Variants in FAM107A observed in about 807,000 individuals in gnomAD.
FAM107A encodes family with sequence similarity 107 member A.
FAM107A carries 19 observed loss-of-function variants against 13.7 expected under a neutral mutation model. The ratio of observed to expected loss-of-function variants is 1.38; its 90% confidence interval spans 0.97 to 2.03. The LOEUF (loss-of-function observed/expected upper bound fraction) is 2.03, where lower values mean the gene tolerates loss of function less well. FAM107A is among the 30% of genes most tolerant of loss of function. The pLI is 0.00. For missense variants in FAM107A, 203 were observed against 184.4 expected, an observed-to-expected ratio of 1.10 and a Z score of -0.58; for synonymous variants, 82 against 74.5, an observed-to-expected ratio of 1.10 and a Z score of -0.52.
intron 1 of FAM107A, among the ~76,000 whole-genome samples, chr3:58,620,755 C>G (rs2065947315): frequency 6.6e-6 from 1 of 152,226 alleles, no homozygotes; most frequent in African/African-American, 2.4e-5. Context: ...AGTGCCCAAC[C>G]TGTACACCTG....
chr3:58,581,993 CAT>C (rs917496681), upstream of FAM107A, among the ~76,000 whole-genome samples: 28 of 152,120 alleles, frequency 1.8e-4, no homozygotes, highest in African/African-American at 6.3e-4. Context: ...TGAGAGGGAG[CAT>C]GTGTGTGTGT....
intron 1 of FAM107A, among the ~76,000 whole-genome samples, chr3:58,583,530 G>A (rs2108059287): frequency 6.6e-6 from 1 of 152,082 alleles, no homozygotes; most frequent in African/African-American, 2.4e-5. Flanking sequence ...GCTGAGGCAG[G>A]AGAGTTGCTT....
At chr3:58,592,899 T>C (rs2065665222) in intron 1 of FAM107A, among the ~76,000 whole-genome samples, 1 of 152,216 alleles carries the variant, frequency 6.6e-6, no homozygotes, top group Non-Finnish European at 1.5e-5. Flanking sequence ...GGCAACTATC[T>C]TCCAGTCCTC....
chr3:58,599,853 T>C (rs1468796819), intron 1 of FAM107A, among the ~76,000 whole-genome samples: 1 of 151,588 alleles, frequency 6.6e-6, no homozygotes, highest in Non-Finnish European at 1.5e-5. Flanking sequence ...TTTTTGCATT[T>C]TTAGTAGAAA....
chr3:58,621,482 A>C (rs1002704563), intron 1 of FAM107A, among the ~76,000 whole-genome samples: 1 of 152,166 alleles, frequency 6.6e-6, no homozygotes, highest in Non-Finnish European at 1.5e-5. Context: ...GGACAAAGTG[A>C]CAAGCTCATT....
rs538155452 is a variant in FAM107A at position 58,566,897 on chromosome 3, C to A, written c.328-202G>T. The A allele has an allele frequency of 4.1e-5, 25 of 608,252 alleles. No homozygotes were observed. The Admixed American group carries it at 5.8e-4, about 14-fold the overall frequency. The allele number at this position is 608,252 out of a possible 1,614,324, so 37.7% of individuals were successfully genotyped here. A position where few individuals can be genotyped will look rare whatever the true frequency, so the allele number is the denominator to read the frequency against. On this transcript the variant is annotated intron_variant, in intron 3 of 3. Coordinates refer to ENST00000360997, the MANE Select transcript of FAM107A (RefSeq NM_001076778.3). ...GCAGCCTGGTTCAAATCACTCACCC[C>A]CTCTGGGCCTCAGCTTCCCCATCTC...
intron 1 of FAM107A, among the ~76,000 whole-genome samples, chr3:58,601,477 A>G (rs546879863): frequency 6.8e-4 from 104 of 152,308 alleles, no homozygotes; most frequent in Non-Finnish European, 1.2e-3. Flanking sequence ...TCAGACTCAC[A>G]TTATCTACTG....
At chr3:58,620,495 A>G (rs2065943877) in intron 1 of FAM107A, among the ~76,000 whole-genome samples, 1 of 152,264 alleles carries the variant, frequency 6.6e-6, no homozygotes, top group South Asian at 2.1e-4. Context: ...GTCTCGGCTG[A>G]GCCGGTATCT....
Position 58,569,694 on chromosome 3 carries a change from C to T in FAM107A, c.167G>A (p.Arg56Lys), listed in dbSNP as rs1436141312. The change falls in exon 2 of 4, where the codon AGA becomes AAA. Residue 56 changes from arginine (R) to lysine (K), a missense_variant. Transcript: ENST00000360997. The surrounding 1 kb of genome is among the most constrained non-coding windows in gnomAD (Gnocchi z 5.7). ...ELHRELLMNH[R>K]RGLGVDSKPE... is the part of the protein sequence containing the mutation. Reference sequence around the variant, plus strand: ...GGCAGCAGGGCTTCATCCCTACCTTCTGTGGTTCATGAGCAGCTCCCGGTG... The same window carrying T: ...GGCAGCAGGGCTTCATCCCTACCTTTTGTGGTTCATGAGCAGCTCCCGGTG... 1.2e-6 allele frequency: 2 copies of T among 1,612,682 alleles called. No homozygotes were observed. Among genetic ancestry groups the T allele is most frequent in the Admixed American group, 1.7e-5 (1 of 59,802 alleles).
intron 1 of FAM107A, among the ~76,000 whole-genome samples, chr3:58,614,698 T>G (rs2108080777): frequency 6.6e-6 from 1 of 152,072 alleles, no homozygotes; most frequent in East Asian, 1.9e-4. Context: ...AGAGACAGGG[T>G]TTTGCCATGT....
chr3:58,568,123 A>G (rs67977616), intron 2 of FAM107A, among the ~76,000 whole-genome samples: 29,726 of 150,120 alleles, frequency 0.2, 4,222 homozygotes, highest in African/African-American at 0.4. Context: ...CTTTTTATTC[A>G]TTTTTTCCTT....
intron 1 of FAM107A, among the ~76,000 whole-genome samples, chr3:58,623,706 A>G (rs1488996419): frequency 6.6e-6 from 1 of 152,184 alleles, no homozygotes; most frequent in African/African-American, 2.4e-5. Context: ...AGCCTGGGTC[A>G]AATGTTAACT....
upstream of FAM107A, chr3:58,589,318 G>T: frequency 1.6e-6 from 2 of 1,239,364 alleles, no homozygotes; most frequent in Non-Finnish European, 1.1e-6. Context: ...TGGTTCTTTG[G>T]CTGAGGGAGG....
intron 1 of FAM107A, among the ~76,000 whole-genome samples, chr3:58,585,989 C>T (rs1398360744): frequency 6.6e-6 from 1 of 152,182 alleles, no homozygotes; most frequent in Non-Finnish European, 1.5e-5. Flanking sequence ...CATCCAACCC[C>T]CAACCTTAAG....
rs552282160 is a variant in FAM107A at position 58,595,664 on chromosome 3, G to A, written c.-69-6395C>T. 2.0e-4 allele frequency among the ~76,000 whole-genome samples: 30 copies of A among 152,046 alleles called. No homozygotes were observed. The South Asian group carries it at 5.2e-3, about 26-fold the overall frequency. On this transcript the variant is annotated intron_variant, in intron 1 of 3. Transcript: ENST00000465970. ...CTGACTCTCTTTTCGGACTCAGCCC[G>A]CCTGCACCCAAGTGAAATAAACAGC...
chr3:58,572,238 G>A (rs941801871), intron 1 of FAM107A, among the ~76,000 whole-genome samples: 1 of 152,174 alleles, frequency 6.6e-6, no homozygotes, highest in African/African-American at 2.4e-5. Flanking sequence ...GACACACAGA[G>A]GAGAACTAAA....
intron 1 of FAM107A, among the ~76,000 whole-genome samples, chr3:58,572,420 A>G (rs1053915315): frequency 6.6e-6 from 1 of 152,178 alleles, no homozygotes; most frequent in Non-Finnish European, 1.5e-5. Context: ...AGGAGGCGAC[A>G]TTAAGATCTG....
upstream of FAM107A, chr3:58,589,212 C>T (rs577256785): frequency 1.3e-6 from 2 of 1,533,626 alleles, no homozygotes; most frequent in East Asian, 2.4e-5. Context: ...TTACCTGAGC[C>T]ATTTCGTCTC....
At chr3:58,626,727 A>C (rs1305763171) in intron 1 of FAM107A, among the ~76,000 whole-genome samples, 1 of 152,176 alleles carries the variant, frequency 6.6e-6, no homozygotes, top group Non-Finnish European at 1.5e-5. Flanking sequence ...TGTGGTTAAG[A>C]CCAGGGAGCC....
Sources: gnomAD v4.1 joint callset for allele counts (sites outside exome capture counted in the v4.1 genomes callset) on GRCh38, gnomAD v4.1.1 for gene constraint, Gnocchi (gnomAD v3.1) non-coding constraint, MANE v1.5 for transcripts, NCBI Gene and HGNC (gene_info 2026-07-23, HGNC 2026-07-21) for gene names.